The following LIFR variants were observed in gnomAD, a reference collection of about 807,000 sequenced individuals.
The protein encoded by LIFR is LIF receptor subunit alpha.
Under a neutral mutation model 122.2 loss-of-function variants are expected in LIFR, and 84 were observed. The ratio of observed to expected loss-of-function variants is 0.69; its 90% CI spans 0.58 to 0.82. The LOEUF (loss-of-function observed/expected upper bound fraction) is 0.82, where lower values mean the gene tolerates loss of function less well. LIFR is among the 40% of genes least tolerant of loss of function. LIFR has a pLI of 0.00. For synonymous variants in LIFR, 422 were observed against 434.7 expected (o/e 0.97, Z 0.36); for missense variants, 1,294 against 1,311.6 (o/e 0.99, Z 0.21).
chr5:38,501,713 C>A (rs949581013), intron 11 of LIFR, among the ~76,000 whole-genome samples: 4 of 151,668 alleles, frequency 2.6e-5, no homozygotes, highest in Non-Finnish European at 5.9e-5. Context: ...TGCACTCCAG[C>A]CTAGGTGACA....
chr5:38,481,464 C>G lies in LIFR; in HGVS notation c.*131G>C, dbSNP rs1191632996. The G allele has an allele frequency of 3.0e-6, 3 of 1,014,012 alleles. No homozygotes were observed. The highest frequency in any genetic ancestry group is 4.7e-6 in the Non-Finnish European group (3 of 641,310). 62.8% of individuals were successfully genotyped at this position (1,014,012 alleles called of 1,614,324 possible). A position where few individuals can be genotyped will look rare whatever the true frequency, so the allele number is the denominator to read the frequency against. On this transcript the variant is annotated 3_prime_UTR_variant, in exon 20 of 20. Coordinates refer to ENST00000453190, the MANE Select transcript of LIFR (RefSeq NM_001127671.2). ...AAGCACATGAACACTTTCAGTGTAA[C>G]TTAACATGTAGTGAAGTTCACCTCC...
At chr5:38,581,352 T>C (rs890087006) in intron 1 of LIFR, among the ~76,000 whole-genome samples, 3 of 152,148 alleles carry the variant, frequency 2.0e-5, no homozygotes, top group Non-Finnish European at 4.4e-5. Flanking sequence ...CTTTCTGGAG[T>C]ATTTCTGGCT....
chr5:38,603,310 G>A lies in LIFR; in HGVS notation n.305+2895C>T, dbSNP rs547011177. ...TCTTTCTTCTGAAGAGGCAAGAATT[G>A]AGGTTGCTGTAGACCTGTACGGATT... On this transcript the variant is annotated intron_variant and non_coding_transcript_variant, in intron 2 of 3. Transcript: ENST00000507786. 3.9e-5 allele frequency among the ~76,000 whole-genome samples: 6 copies of A among 152,296 alleles called. No homozygotes were observed. The East Asian group carries it at 1.2e-3, about 29-fold the overall frequency.
chr5:38,554,304 T>C (rs1296378691), intron 1 of LIFR, among the ~76,000 whole-genome samples: 1 of 152,208 alleles, frequency 6.6e-6, no homozygotes, highest in Admixed American at 6.5e-5. Context: ...TGTGAAGTTA[T>C]ATAGAAGCAA....
intron 18 of LIFR, among the ~76,000 whole-genome samples, chr5:38,483,612 G>A (rs982526161): frequency 6.6e-6 from 1 of 151,984 alleles, no homozygotes; most frequent in Non-Finnish European, 1.5e-5. Flanking sequence ...TGTATTTTTA[G>A]TAGAGACAGG....
intron 1 of LIFR, 54 bp downstream of exon 1, chr5:38,556,280 G>C (rs1035773201): frequency 6.6e-6 from 1 of 151,636 alleles, no homozygotes; most frequent in African/African-American, 2.4e-5. Context: ...GACCCCGCTC[G>C]GGGCTCCGCG....
At chr5:38,598,236 TATTTA>T (rs1561235492), upstream of LIFR, among the ~76,000 whole-genome samples, 209 of 34,266 alleles carry the variant, frequency 6.1e-3, 4 homozygotes, top group African/African-American at 0.017. Context: ...TTTTTTTATT[TATTTA>T]TTTATTTTTT....
chr5:38,563,365 C>T (rs1748902297), intron 1 of LIFR, among the ~76,000 whole-genome samples: 1 of 152,092 alleles, frequency 6.6e-6, no homozygotes, highest in South Asian at 2.1e-4. Flanking sequence ...AAAAGAGAAA[C>T]ATAGCTGTGC....
Position 38,539,676 on chromosome 5 carries a change from T to TG in LIFR, c.-19-9011dup, listed in dbSNP as rs60779829. On this transcript the variant is annotated intron_variant, in intron 1 of 19. Coordinates refer to ENST00000453190, the MANE Select transcript of LIFR (RefSeq NM_001127671.2). Reference sequence around the variant, plus strand: ...TCAAATTGAAGTTTTTTTGGTTTTTTGGGGGGGGTAATACATAGAGTAAAA... The same window carrying TG: ...TCAAATTGAAGTTTTTTTGGTTTTTTGGGGGGGGGTAATACATAGAGTAAAA... Among the ~76,000 whole-genome samples the TG allele has an allele frequency of 7.8e-3, 1,185 of 151,594 alleles. 18 individuals are homozygous for TG. Among genetic ancestry groups the TG allele is most frequent in the African/African-American group, 0.026 (1,091 of 41,316 alleles).
chr5:38,568,516 C>A (rs1011037181), intron 1 of LIFR, among the ~76,000 whole-genome samples: 4 of 152,100 alleles, frequency 2.6e-5, no homozygotes, highest in Non-Finnish European at 4.4e-5. Flanking sequence ...TGAATTTCTT[C>A]TGCACATGAT....
intron 2 of LIFR, among the ~76,000 whole-genome samples, chr5:38,603,912 C>G (rs1750272589): frequency 6.6e-6 from 1 of 152,170 alleles, no homozygotes; most frequent in African/African-American, 2.4e-5. Flanking sequence ...TTAACAGCAT[C>G]TATTATCCTA....
Position 38,510,623 on chromosome 5 carries a change from A to T in LIFR, c.832T>A (p.Leu278Ile). Residue 278 changes from leucine to isoleucine, a missense_variant, in exon 7 of 20, where the codon TTA becomes ATA. Leu to Ile is a conservative substitution (Grantham distance 5). Coordinates refer to ENST00000453190, the MANE Select transcript of LIFR (RefSeq NM_001127671.2). ...TFCCVSQEKV[L>I]SALIGHTNCP... ...TTTGTATGGCCAATCAGTGCTGATA[A>T]CACTTTTTCTTGACTCACACAACAA... The T allele has an allele frequency of 4.3e-6, 7 of 1,614,092 alleles. No homozygotes were observed. The highest frequency in any genetic ancestry group is 5.9e-6 in the Non-Finnish European group (7 of 1,179,980).
rs116190925 is a variant in LIFR, at chr5:38,541,452, T to C, written c.-19-10786A>G. Among the ~76,000 whole-genome samples the C allele has an allele frequency of 4.1e-3, 622 of 152,290 alleles. 4 individuals carry two copies. The highest frequency in any genetic ancestry group is 0.014 in the African/African-American group (596 of 41,562). On this transcript the variant is annotated intron_variant, in intron 1 of 19. Transcript: ENST00000453190. ...AAAGCAAGGATCAGAAACAACAAAA[T>C]GTATCTCTGTTTGAACAAAATCTTT...
At chr5:38,568,168 T>C (rs576175467) in intron 1 of LIFR, among the ~76,000 whole-genome samples, 1 of 152,332 alleles carries the variant, frequency 6.6e-6, no homozygotes, top group East Asian at 1.9e-4. Context: ...AAAGAGACCA[T>C]GCATAAACAC....
At chr5:38,598,251 TTTTTTTTTC>T (rs1561235576), upstream of LIFR, among the ~76,000 whole-genome samples, 152 of 56,346 alleles carry the variant, frequency 2.7e-3, 12 homozygotes, top group African/African-American at 0.015. Context: ...ATTTATTTTT[TTTTTTTTTC>T]TTTTTAGAGG....
intron 1 of LIFR, among the ~76,000 whole-genome samples, chr5:38,532,601 A>G (rs1580130018): frequency 6.6e-6 from 1 of 152,212 alleles, no homozygotes; most frequent in East Asian, 1.9e-4. Context: ...GTGTCACTGA[A>G]GCCTGCTTAA....
At chr5:38,503,205 T>G (rs548350172) in intron 10 of LIFR, among the ~76,000 whole-genome samples, 1 of 152,306 alleles carries the variant, frequency 6.6e-6, no homozygotes, top group South Asian at 2.1e-4. Flanking sequence ...ATTATTTGGA[T>G]GATATTTGGA....
intron 5 of LIFR, among the ~76,000 whole-genome samples, chr5:38,517,736 AG>A (rs1484168864): frequency 6.6e-6 from 1 of 151,644 alleles, no homozygotes; most frequent in Non-Finnish European, 1.5e-5. Context: ...ATGTGCCTGT[AG>A]TCCCAGCTAC....
At chr5:38,527,381 A>G in intron 3 of LIFR, 87 bp from the exon 4 acceptor site, 1 of 838,602 alleles carries the variant, frequency 1.2e-6, no homozygotes, top group Non-Finnish European at 2.0e-6. Context: ...ATACAATGGA[A>G]AATACTTTAT....
Sources: allele counts gnomAD v4.1 joint callset (sites outside exome capture counted in the v4.1 genomes callset), GRCh38; gene constraint gnomAD v4.1.1; transcripts MANE v1.5; gene names NCBI Gene and HGNC (gene_info 2026-07-23, HGNC 2026-07-21).